Variants in FTO observed in about 807,000 individuals in gnomAD.
FTO encodes alpha-ketoglutarate-dependent dioxygenase FTO.
A neutral mutation model predicts 63.9 loss-of-function variants in FTO; 47 were observed. The ratio of observed to expected loss-of-function variants is 0.74; its 90% CI spans 0.58 to 0.94. FTO has a LOEUF of 0.94. FTO is among the 40% of genes least tolerant of loss of function. FTO has a pLI of 0.00. For synonymous variants in FTO, 207 were observed against 224.4 expected, an observed-to-expected ratio of 0.92 and a Z score of 0.69; for missense variants, 562 against 618.1, an observed-to-expected ratio of 0.91 and a Z score of 0.96.
At chr16:53,865,508 G>A (rs1567375821) in intron 4 of FTO, among the ~76,000 whole-genome samples, 1 of 152,142 alleles carries the variant, frequency 6.6e-6, no homozygotes, top group Non-Finnish European at 1.5e-5. Flanking sequence ...AAGGTTTTGT[G>A]ACTTATTCAC....
At chr16:53,816,669 G>C (rs2078700526) in intron 2 of FTO, among the ~76,000 whole-genome samples, 1 of 152,012 alleles carries the variant, frequency 6.6e-6, no homozygotes, top group African/African-American at 2.4e-5. Flanking sequence ...CTTCTGCTCT[G>C]ATGTCACTGT....
rs192511045 is a variant in FTO at position 53,884,890 on chromosome 16, T to C, written c.1120-3942T>C. On this transcript the variant is annotated intron_variant, in intron 6 of 8. Transcript: ENST00000471389. ...GAGCTCCTGCAGGTTGTTTCCCTGC[T>C]ATTGAGGTCTTCAGGGATGTGTCAC... is the stretch of plus-strand genomic sequence containing the variant. Among the ~76,000 whole-genome samples the C allele has an allele frequency of 2.0e-3, 299 of 152,316 alleles. 7 individuals carry two copies. The highest frequency in any genetic ancestry group is 0.017 in the Admixed American group (262 of 15,304).
intron 8 of FTO, among the ~76,000 whole-genome samples, chr16:53,982,863 A>G (rs1185915765): frequency 2.0e-5 from 3 of 152,180 alleles, no homozygotes; most frequent in African/African-American, 7.2e-5. Context: ...TTGACTGCTG[A>G]GAGATTGGAT....
intron 8 of FTO, among the ~76,000 whole-genome samples, chr16:53,970,891 C>T (rs1359884431): frequency 6.6e-6 from 1 of 152,154 alleles, no homozygotes; most frequent in Non-Finnish European, 1.5e-5. Flanking sequence ...CACTTATATA[C>T]ATAATGCAGA....
chr16:53,834,587 C>T lies in FTO; in HGVS notation c.751+8096C>T, dbSNP rs145559836. ...CACTTGTAAAGTGCCAAGAACATAA[C>T]AGCAGTAATTAGCACATAGTAAGCA... On this transcript the variant is annotated intron_variant, in intron 3 of 8. Coordinates refer to ENST00000471389, the MANE Select transcript of FTO (RefSeq NM_001080432.3). Among the ~76,000 whole-genome samples the T allele has an allele frequency of 4.5e-3, 692 of 152,252 alleles. 8 individuals are homozygous for T. The highest frequency in any genetic ancestry group is 0.027 in the Middle Eastern group (8 of 294).
At position 54,002,928 on chromosome 16, in the gene FTO, G is replaced by A. The variant is rs1331818855; in HGVS notation, c.1364+68819G>A. Among the ~76,000 whole-genome samples, 3 of 152,180 alleles carry A rather than the reference G, an allele frequency of 2.0e-5. No homozygotes were observed. The East Asian group carries it at 5.8e-4, about 29-fold the overall frequency. On this transcript the variant is annotated intron_variant, in intron 8 of 8. Transcript: ENST00000471389. ...TGTTGACTTTCCCTGGGGGTCAGGT[G>A]GGCTCACCTTGGTGCATCCTCCCCT...
chr16:54,049,022 CT>C (rs577223615), intron 8 of FTO, among the ~76,000 whole-genome samples: 7 of 151,820 alleles, frequency 4.6e-5, no homozygotes, highest in East Asian at 1.9e-4. Flanking sequence ...TTCTTTCTTT[CT>C]TTTTTTCCCC....
chr16:53,881,492 TCACAAGACACGCAGAAG>T (rs1366722171), intron 6 of FTO, among the ~76,000 whole-genome samples: 1 of 152,136 alleles, frequency 6.6e-6, no homozygotes, highest in Non-Finnish European at 1.5e-5. Context: ...CATTGCTTAC[TCACAAGACACGCAGAAG>T]CACAAGAGAC....
Position 54,113,039 on chromosome 16 carries a change from G to A in FTO, c.*1124G>A, listed in dbSNP as rs1393252861. ...TCTGTATAATGGGGATATATGAAAG[G>A]CACCAGTCCTAAGGTGAACATTAAG... On this transcript the variant is annotated 3_prime_UTR_variant, in exon 9 of 9. Transcript: ENST00000471389. The A allele has an allele frequency of 1.3e-5, 2 of 152,138 alleles. No homozygotes were observed. The highest frequency in any genetic ancestry group is 4.8e-5 in the African/African-American group (2 of 41,450). The allele number at this position is 152,138 out of a possible 1,614,324, so 9.4% of individuals were successfully genotyped here.
At chr16:54,068,733 T>C (rs2085790362) in intron 8 of FTO, among the ~76,000 whole-genome samples, 1 of 152,188 alleles carries the variant, frequency 6.6e-6, no homozygotes, top group African/African-American at 2.4e-5. Flanking sequence ...ATTGGTCGGC[T>C]GATAGTTATT....
chr16:53,736,355 TAA>T (rs58789508), intron 1 of FTO, among the ~76,000 whole-genome samples: 378 of 123,002 alleles, frequency 3.1e-3, no homozygotes, highest in African/African-American at 0.013. Context: ...AAAGTATAAT[TAA>T]AAAAAAAAAA....
intron 8 of FTO, among the ~76,000 whole-genome samples, chr16:53,957,221 A>G (rs2082951756): frequency 1.3e-5 from 2 of 152,206 alleles, no homozygotes; most frequent in African/African-American, 4.8e-5. Flanking sequence ...ACAGGTGATT[A>G]TAAGAGGCAT....
In FTO at chr16:54,009,087, C is replaced by G. The variant is rs1300274181; in HGVS notation, c.1364+74978C>G. ...TGGTAACTAACAATGGGATTGCAAACTCTTTGAGGAAAGGAACTGTCATCC... is the reference window on the plus strand; with the variant it reads ...TGGTAACTAACAATGGGATTGCAAAGTCTTTGAGGAAAGGAACTGTCATCC... On this transcript the variant is annotated intron_variant, in intron 8 of 8. Coordinates refer to ENST00000471389, the MANE Select transcript of FTO (RefSeq NM_001080432.3). 2.0e-5 allele frequency among the ~76,000 whole-genome samples: 3 copies of G among 152,068 alleles called. No individual in the cohort carries two copies. In the East Asian group the frequency reaches 5.8e-4, roughly 29 times the overall value.
intron 1 of FTO, among the ~76,000 whole-genome samples, chr16:53,705,506 G>A (rs1397460086): frequency 6.6e-6 from 1 of 152,224 alleles, no homozygotes; most frequent in Non-Finnish European, 1.5e-5. Context: ...GTGAATAACA[G>A]TGTTAAATAA....
At chr16:54,048,256 G>A (rs1462250604) in intron 8 of FTO, among the ~76,000 whole-genome samples, 1 of 134,024 alleles carries the variant, frequency 7.5e-6, no homozygotes, top group Non-Finnish European at 1.6e-5. Flanking sequence ...AAAAATACTT[G>A]AAAAAAAAAA....
intron 8 of FTO, among the ~76,000 whole-genome samples, chr16:53,987,664 C>G (rs1052334888): frequency 6.6e-6 from 1 of 151,754 alleles, no homozygotes; most frequent in Non-Finnish European, 1.5e-5. Context: ...CAGAAATACA[C>G]CCATCCTCCC....
chr16:53,943,235 C>A (rs957911068), intron 8 of FTO, among the ~76,000 whole-genome samples: 1 of 152,020 alleles, frequency 6.6e-6, no homozygotes, highest in African/African-American at 2.4e-5. Flanking sequence ...TTACTTTTTT[C>A]CCCCAAGATA....
intron 1 of FTO, among the ~76,000 whole-genome samples, chr16:53,782,169 G>A (rs949408027): frequency 6.6e-6 from 1 of 152,162 alleles, no homozygotes; most frequent in African/African-American, 2.4e-5. Context: ...GGTCCTTATA[G>A]GAAGAGCTTG....
chr16:53,921,530 T>G (rs11863698), intron 7 of FTO, among the ~76,000 whole-genome samples: 3,891 of 152,232 alleles, frequency 0.026, 175 homozygotes, highest in African/African-American at 0.088. Context: ...AGAAGTAGCG[T>G]CTGGGAATTA....
Sources: gnomAD v4.1 joint callset for allele counts (sites outside exome capture counted in the v4.1 genomes callset) on GRCh38, gnomAD v4.1.1 for gene constraint, MANE v1.5 for transcripts, NCBI Gene and HGNC (gene_info 2026-07-23, HGNC 2026-07-21) for gene names.